KAT6B: variants seen among roughly 807,000 people sequenced by gnomAD.
KAT6B encodes lysine acetyltransferase 6B.
In KAT6B, 10 loss-of-function variants were observed where a neutral mutation model predicts 187.5. That is an observed-to-expected ratio of 0.05 (90% CI 0.03 to 0.09). The LOEUF is 0.09. Ranked by LOEUF, KAT6B falls within the 10% of genes least tolerant of loss-of-function variation. The pLI is 1.00. For synonymous variants in KAT6B, 861 were observed against 926.8 expected, an observed-to-expected ratio of 0.93 and a Z score of 1.29; for missense variants, 1,952 against 2,558.9, an observed-to-expected ratio of 0.76 and a Z score of 5.12.
chr10:74,940,564 G>A (rs941403230), intron 3 of KAT6B, among the ~76,000 whole-genome samples: 2 of 149,656 alleles, frequency 1.3e-5, no homozygotes, highest in African/African-American at 4.9e-5. Flanking sequence ...GTGAGTCACC[G>A]TGCCCGGCCT....
chr10:74,836,942 G>C (rs1202240261), intron 1 of KAT6B, among the ~76,000 whole-genome samples: 1 of 152,202 alleles, frequency 6.6e-6, no homozygotes, highest in Non-Finnish European at 1.5e-5. Context: ...TAAAACTCAG[G>C]ATGACAAAAG....
At chr10:74,996,802 A>G (rs2133931704) in intron 13 of KAT6B, among the ~76,000 whole-genome samples, 1 of 148,206 alleles carries the variant, frequency 6.7e-6, no homozygotes, top group East Asian at 2.0e-4. Context: ...TAGAGGAGAG[A>G]TTATGTATAA....
intron 3 of KAT6B, among the ~76,000 whole-genome samples, chr10:74,909,841 G>A (rs777948037): frequency 1.3e-5 from 2 of 152,060 alleles, no homozygotes; most frequent in African/African-American, 4.8e-5. Context: ...TAAGCAGAGT[G>A]CCCAGTTTCC....
chr10:75,009,632 G>A (rs561259083), intron 13 of KAT6B, among the ~76,000 whole-genome samples: 39 of 152,254 alleles, frequency 2.6e-4, no homozygotes, highest in African/African-American at 7.7e-4. Flanking sequence ...TGCTGGTGAC[G>A]ATACTGCATA....
At chr10:75,018,884 C>A (rs769955203) in intron 13 of KAT6B, among the ~76,000 whole-genome samples, 2 of 152,110 alleles carry the variant, frequency 1.3e-5, no homozygotes, top group Admixed American at 6.5e-5. Context: ...TCTCACCCCC[C>A]CAGGAGTACA....
Position 74,937,972 on chromosome 10 carries a change from A to G in KAT6B, c.622-21998A>G, listed in dbSNP as rs1298183262. Among the ~76,000 whole-genome samples the G allele has an allele frequency of 2.6e-5, 4 of 152,124 alleles. No individual in the cohort carries two copies. In the East Asian group the frequency reaches 5.8e-4, roughly 22 times the overall value. ...TATCGAAATGGTAAAACATACCCCAAACATACCCCAGAGTTGAATATGAGT... is the reference window on the plus strand; with the variant it reads ...TATCGAAATGGTAAAACATACCCCAGACATACCCCAGAGTTGAATATGAGT... On this transcript the variant is annotated intron_variant, in intron 3 of 17. Transcript: ENST00000287239.
At chr10:74,971,666 T>C (rs1283941572) in intron 6 of KAT6B, among the ~76,000 whole-genome samples, 1 of 152,122 alleles carries the variant, frequency 6.6e-6, no homozygotes, top group African/African-American at 2.4e-5. Context: ...CAGAAGCTCT[T>C]TTTTTGTGTG....
chr10:74,908,109 A>G (rs1006603375), intron 3 of KAT6B, among the ~76,000 whole-genome samples: 1 of 152,128 alleles, frequency 6.6e-6, no homozygotes, highest in African/African-American at 2.4e-5. Context: ...TGGTGGCTTT[A>G]TAAGAAGAGT....
intron 3 of KAT6B, among the ~76,000 whole-genome samples, chr10:74,887,104 A>G (rs1222637547): frequency 2.0e-5 from 3 of 152,126 alleles, no homozygotes; most frequent in African/African-American, 7.2e-5. Flanking sequence ...ACACCTTGGC[A>G]TTTGGGCATG....
At chr10:74,858,376 C>G (rs1327455147) in intron 3 of KAT6B, among the ~76,000 whole-genome samples, 1 of 151,532 alleles carries the variant, frequency 6.6e-6, no homozygotes, top group Non-Finnish European at 1.5e-5. Context: ...CCTTGACCTC[C>G]TAGGCTCAAG....
chr10:74,912,180 A>G (rs1405580413), intron 3 of KAT6B, among the ~76,000 whole-genome samples: 1 of 152,014 alleles, frequency 6.6e-6, no homozygotes, highest in Non-Finnish European at 1.5e-5. Flanking sequence ...TTTTTTTAAT[A>G]TTACAAAGGA....
At chr10:74,883,033 G>A (rs16931799) in intron 3 of KAT6B, among the ~76,000 whole-genome samples, 1 of 152,154 alleles carries the variant, frequency 6.6e-6, no homozygotes, top group African/African-American at 2.4e-5. Context: ...GCTCTTGAGA[G>A]AGTGACTCAT....
At chr10:74,998,435 A>G (rs575236974) in intron 13 of KAT6B, among the ~76,000 whole-genome samples, 1 of 152,220 alleles carries the variant, frequency 6.6e-6, no homozygotes, top group African/African-American at 2.4e-5. Context: ...CTCATAGTAG[A>G]AAGTTAAAAA....
At chr10:74,898,284 T>C (rs984795674) in intron 3 of KAT6B, among the ~76,000 whole-genome samples, 5 of 152,226 alleles carry the variant, frequency 3.3e-5, no homozygotes, top group Admixed American at 6.5e-5. Context: ...CTGCTGCTTC[T>C]ACCTGTGCTA....
At chr10:74,973,728 A>G (rs978634770) in intron 7 of KAT6B, among the ~76,000 whole-genome samples, 4 of 152,218 alleles carry the variant, frequency 2.6e-5, no homozygotes, top group Non-Finnish European at 4.4e-5. Flanking sequence ...GACATTTTCA[A>G]TAGATTTTGA....
intron 3 of KAT6B, among the ~76,000 whole-genome samples, chr10:74,906,928 A>G (rs959800556): frequency 6.6e-6 from 1 of 152,166 alleles, no homozygotes; most frequent in African/African-American, 2.4e-5. Flanking sequence ...AAGTCCCCAC[A>G]TGCCAGTGAC....
intron 13 of KAT6B, among the ~76,000 whole-genome samples, chr10:75,015,458 G>T (rs2134101520): frequency 6.6e-6 from 1 of 152,278 alleles, no homozygotes; most frequent in South Asian, 2.1e-4. Context: ...TAAACGAGGA[G>T]ATATAAATAG....
intron 1 of KAT6B, among the ~76,000 whole-genome samples, chr10:74,832,535 C>T (rs1303989952): frequency 6.6e-6 from 1 of 152,036 alleles, no homozygotes; most frequent in African/African-American, 2.4e-5. Flanking sequence ...GAGTTTTGCT[C>T]TTGTTGCCCA....
At chr10:75,003,933 C>T (rs556266153) in intron 13 of KAT6B, among the ~76,000 whole-genome samples, 9 of 152,198 alleles carry the variant, frequency 5.9e-5, no homozygotes, top group African/African-American at 2.2e-4. Context: ...GTATTCATTG[C>T]CTCAATGAAA....
Sources: allele counts gnomAD v4.1 joint callset (sites outside exome capture counted in the v4.1 genomes callset), GRCh38; gene constraint gnomAD v4.1.1; transcripts MANE v1.5; gene names NCBI Gene and HGNC (gene_info 2026-07-23, HGNC 2026-07-21).